The following PODXL2 variants were observed in gnomAD, a reference collection of about 807,000 sequenced individuals.
The protein encoded by PODXL2 is podocalyxin-like protein 2.
A neutral mutation model predicts 53.4 loss-of-function variants in PODXL2; 17 were observed. The ratio of observed to expected loss-of-function variants is 0.32; its 90% CI spans 0.22 to 0.48. The LOEUF (loss-of-function observed/expected upper bound fraction) is 0.48. PODXL2 is among the 20% of genes least tolerant of loss of function. PODXL2 has a pLI of 0.99. For synonymous variants in PODXL2, 311 were observed against 306.7 expected (o/e 1.01, Z -0.15); for missense variants, 673 against 760.0 (o/e 0.89, Z 1.35).
At position 127,645,318 on chromosome 3, in the gene PODXL2, C is replaced by G. The variant is rs552166810; in HGVS notation, c.349+5795C>G. The stretch of plus-strand genomic sequence containing the variant: ...TGTCTTCTCACTGACAACAGCCTGG[C>G]CTATTCCCTAAGCCTGTGATGCACT... On this transcript the variant is annotated intron_variant, in intron 2 of 7. Coordinates refer to ENST00000342480, the MANE Select transcript of PODXL2 (RefSeq NM_015720.4). Among the ~76,000 whole-genome samples the G allele has an allele frequency of 2.6e-5, 4 of 152,304 alleles. No individual in the cohort carries two copies. In the East Asian group the frequency reaches 5.8e-4, roughly 22 times the overall value.
At chr3:127,667,732 GAGAAA>G (rs1335013078) in intron 4 of PODXL2, among the ~76,000 whole-genome samples, 1 of 152,236 alleles carries the variant, frequency 6.6e-6, no homozygotes, top group Non-Finnish European at 1.5e-5. Flanking sequence ...AGTGCACGAT[GAGAAA>G]AGGTCTCCTC....
chr3:127,664,744 T>C (rs1187378575), intron 4 of PODXL2, among the ~76,000 whole-genome samples: 1 of 152,004 alleles, frequency 6.6e-6, no homozygotes, highest in East Asian at 1.9e-4. Flanking sequence ...GTTTTTGCCA[T>C]TGAAAGTAAT....
At chr3:127,637,038 G>T (rs2107703714) in intron 1 of PODXL2, among the ~76,000 whole-genome samples, 1 of 152,306 alleles carries the variant, frequency 6.6e-6, no homozygotes, top group Admixed American at 6.5e-5. Context: ...GGCCAGGCCT[G>T]TCTCGACCTC....
chr3:127,630,915 C>T (rs896852447), intron 1 of PODXL2, among the ~76,000 whole-genome samples: 2 of 152,250 alleles, frequency 1.3e-5, no homozygotes, highest in African/African-American at 4.8e-5. Context: ...TGGCCAGCAA[C>T]GTCCTCATGG....
At position 127,672,538 on chromosome 3, in the gene PODXL2, A is replaced by G. The variant is rs1294726497; in HGVS notation, c.*58A>G. 1.7e-5 allele frequency: 20 copies of G among 1,164,532 alleles called. No homozygotes were observed. The East Asian group carries it at 5.7e-4, about 33-fold the overall frequency. The allele number at this position is 1,164,532 out of a possible 1,614,324, so 72.1% of individuals were successfully genotyped here. A position where few individuals can be genotyped will look rare whatever the true frequency, so the allele number is the denominator to read the frequency against. Reference sequence around the variant, plus strand: ...AGGACCAAGCGAGGTGGACCCCGAAACGGACGGCCCGGAGCCCGCACCAGC... The same window carrying G: ...AGGACCAAGCGAGGTGGACCCCGAAGCGGACGGCCCGGAGCCCGCACCAGC... On this transcript the variant is annotated 3_prime_UTR_variant, in exon 8 of 8. Transcript: ENST00000342480.
At chr3:127,654,705 A>G (rs1014151296) in intron 2 of PODXL2, among the ~76,000 whole-genome samples, 1 of 152,200 alleles carries the variant, frequency 6.6e-6, no homozygotes, top group African/African-American at 2.4e-5. Flanking sequence ...TAAAAACTCA[A>G]GTGCTTATCC....
intron 1 of PODXL2, among the ~76,000 whole-genome samples, chr3:127,634,301 T>G (rs1350668989): frequency 6.6e-6 from 1 of 152,032 alleles, no homozygotes; most frequent in African/African-American, 2.4e-5. Flanking sequence ...GGCACATGCC[T>G]GTAATCCCTG....
intron 2 of PODXL2, among the ~76,000 whole-genome samples, chr3:127,639,732 A>G (rs375420444): frequency 2.5e-4 from 38 of 152,048 alleles, no homozygotes; most frequent in African/African-American, 9.2e-4. Flanking sequence ...AATACTAACC[A>G]CTGTTTAGGG....
At chr3:127,667,765 C>G (rs2074803154) in intron 4 of PODXL2, among the ~76,000 whole-genome samples, 1 of 152,234 alleles carries the variant, frequency 6.6e-6, no homozygotes, top group African/African-American at 2.4e-5. Context: ...TCCCTCTGTT[C>G]CAGCCCAGCT....
intron 1 of PODXL2, among the ~76,000 whole-genome samples, chr3:127,633,648 G>A (rs1337303675): frequency 2.6e-5 from 4 of 152,162 alleles, no homozygotes; most frequent in Admixed American, 6.5e-5. Context: ...CCCATCATGT[G>A]TAAAAGGTTG....
At chr3:127,658,406 C>CTTTT (rs60979669) in intron 2 of PODXL2, among the ~76,000 whole-genome samples, 45 of 87,334 alleles carry the variant, frequency 5.2e-4, no homozygotes, top group East Asian at 7.8e-4. Context: ...TTTCCCATGT[C>CTTTT]TTTTTTTTTT....
In PODXL2 at chr3:127,672,400, C is replaced by T; in HGVS notation, c.1738C>T (p.Pro580Ser). ...SLNGGGALNG[P>S]GSWGALMGGK... ...GAACGGCGGCGGGGCCCTCAACGGC[C>T]CGGGGAGCTGGGGGGCGCTCATGGG... Residue 580 changes from proline to serine, a missense_variant, in exon 8 of 8, where the codon CCG becomes TCG. Around this residue, in one of 3 missense-constraint regions of PODXL2, gnomAD observed 79 missense variants for 70.5 expected, o/e 1.12. Coordinates refer to ENST00000342480, the MANE Select transcript of PODXL2 (RefSeq NM_015720.4). 2 of 1,544,138 alleles carry T rather than the reference C, an allele frequency of 1.3e-6. No homozygotes were observed. Among genetic ancestry groups the T allele is most frequent in the South Asian group, 1.2e-5 (1 of 84,008 alleles).
rs766852238 is a variant in PODXL2, at chr3:127,661,076, T to C, written c.1048T>C (p.Leu350=). The part of the protein sequence containing the change: ...DMELTPSSAT[L]GQEDLNQQLL... ...GGAACTGACACCTTCCTCTGCTACC[T>C]TGGGACAAGAAGATCTCAACCAGCA... Residue 350 remains leucine (L), a synonymous_variant, in exon 3 of 8, where the codon TTG becomes CTG. Coordinates refer to ENST00000342480, the MANE Select transcript of PODXL2 (RefSeq NM_015720.4). 1.9e-6 allele frequency: 3 copies of C among 1,614,210 alleles called. No individual in the cohort carries two copies. The highest frequency in any genetic ancestry group is 2.2e-5 in the South Asian group (2 of 91,086).
At chr3:127,672,018 G>C (rs574633296) in intron 7 of PODXL2, among the ~76,000 whole-genome samples, 4 of 152,248 alleles carry the variant, frequency 2.6e-5, no homozygotes, top group Non-Finnish European at 5.9e-5. Flanking sequence ...TGCCCACCTC[G>C]CAAGTGGAGT....
chr3:127,668,988 G>T (rs1416028749), intron 5 of PODXL2, among the ~76,000 whole-genome samples, 153 bp from the exon 6 acceptor site: 1 of 152,220 alleles, frequency 6.6e-6, no homozygotes, highest in Non-Finnish European at 1.5e-5. Context: ...GTCTAAGAGA[G>T]GGGGAGGCAT....
intron 2 of PODXL2, among the ~76,000 whole-genome samples, chr3:127,659,145 T>C (rs1373083781): frequency 6.6e-6 from 1 of 152,218 alleles, no homozygotes. Flanking sequence ...TTGTAATCTT[T>C]CTGAGGATAC....
chr3:127,643,864 C>T (rs1349796793), intron 2 of PODXL2, among the ~76,000 whole-genome samples: 5 of 152,018 alleles, frequency 3.3e-5, no homozygotes, highest in African/African-American at 7.2e-5. Flanking sequence ...GTCTTGAACT[C>T]CTGGGCTCAA....
At chr3:127,640,223 C>T (rs1056254239) in intron 2 of PODXL2, among the ~76,000 whole-genome samples, 1 of 152,186 alleles carries the variant, frequency 6.6e-6, no homozygotes, top group Admixed American at 6.5e-5. Flanking sequence ...GCCAGCAGGG[C>T]CCCATCTCTT....
chr3:127,656,990 G>T, intron 2 of PODXL2, among the ~76,000 whole-genome samples: 1 of 148,528 alleles, frequency 6.7e-6, no homozygotes, highest in Non-Finnish European at 1.5e-5. Flanking sequence ...GCAGTGAGCC[G>T]TGATTGCACC....
Sources: gnomAD v4.1 joint callset for allele counts (sites outside exome capture counted in the v4.1 genomes callset) on GRCh38, gnomAD v4.1.1 for gene constraint, gnomAD v4.1.1 regional missense constraint, MANE v1.5 for transcripts, NCBI Gene and HGNC (gene_info 2026-07-23, HGNC 2026-07-21) for gene names.